Variants in SLC38A2 observed in about 807,000 individuals in gnomAD.
SLC38A2 encodes solute carrier family 38 member 2.
A neutral mutation model predicts 61.5 loss-of-function variants in SLC38A2; 11 were observed. The ratio of observed to expected loss-of-function variants is 0.18; its 90% CI spans 0.11 to 0.30. The LOEUF (loss-of-function observed/expected upper bound fraction) is 0.30, where lower values mean the gene tolerates loss of function less well. SLC38A2 is among the 10% of genes least tolerant of loss of function. The pLI is 1.00. For missense variants in SLC38A2, 522 were observed against 600.4 expected (o/e 0.87, Z 1.36); for synonymous variants, 217 against 212.5 (o/e 1.02, Z -0.18).
rs1464532773 is a variant in SLC38A2 at position 46,365,124 on chromosome 12, G to A, written c.629C>T (p.Ser210Leu). ...TTGCTCACCTAAATTTCTAAACAGC[G>A]ACAAAGGAAGAATGACCACCAATGA... ...LVSLVVILPL[S>L]LFRNLGYLGY... is the part of the protein sequence containing the mutation. The change falls in exon 8 of 16, where the codon TCG (serine) becomes TTG (leucine). Residue 210 changes from serine to leucine, a missense_variant. Transcript: ENST00000256689. 5 of 1,613,082 alleles carry A rather than the reference G, an allele frequency of 3.1e-6. No homozygotes were observed. Among genetic ancestry groups the A allele is most frequent in the Admixed American group, 1.7e-5 (1 of 59,902 alleles).
At position 46,362,212 on chromosome 12, in the gene SLC38A2, G is replaced by A. The variant is rs1943088955; in HGVS notation, c.1422+72C>T. The A allele has an allele frequency of 3.3e-6, 4 of 1,216,818 alleles. No individual in the cohort carries two copies. In the South Asian group the frequency reaches 6.2e-5, roughly 19 times the overall value. 75.4% of individuals were successfully genotyped at this position (1,216,818 alleles called of 1,614,324 possible). ...AAACCATAACAAATAACAGCTATGA[G>A]AATAAAATTAAAATCAGTTGGGGAA... On this transcript the variant is annotated intron_variant, in intron 15 of 15. Coordinates refer to ENST00000256689, the MANE Select transcript of SLC38A2 (RefSeq NM_018976.5).
rs1221335236 is a variant in SLC38A2 at position 46,364,444 on chromosome 12, T to C, written c.818A>G (p.His273Arg). The C allele has an allele frequency of 1.9e-6, 3 of 1,609,078 alleles. No individual in the cohort carries two copies. Among genetic ancestry groups the C allele is most frequent in the Admixed American group, 3.4e-5 (2 of 58,788 alleles). Residue 273 changes from histidine to arginine, a missense_variant, in exon 10 of 16, where the codon CAT becomes CGT. Transcript: ENST00000256689. ...QPTALVPALS[H>R]NVTENDSCRP... is the part of the protein sequence containing the mutation. ...GCAAGAGTCATTTTCAGTCACGTTA[T>C]GTGACAAAGCAGGTACAAGAGCTGT... is the stretch of plus-strand genomic sequence containing the variant.
chr12:46,372,007 G>T (rs1219462416), intron 1 of SLC38A2, among the ~76,000 whole-genome samples: 1 of 152,134 alleles, frequency 6.6e-6, no homozygotes, highest in Non-Finnish European at 1.5e-5. Flanking sequence ...CAGCTGGCCC[G>T]CGAGTGCTAC....
chr12:46,361,325 A>G, intron 15 of SLC38A2, 116 bp from the exon 16 acceptor site: 2 of 824,646 alleles, frequency 2.4e-6, no homozygotes, highest in Non-Finnish European at 3.9e-6. Flanking sequence ...TATAATCTAT[A>G]GAAAGAATAT....
Position 46,362,298 on chromosome 12 carries a change from C to T in SLC38A2, c.1408G>A (p.Val470Ile). Residue 470 changes from valine to isoleucine, a missense_variant, in exon 15 of 16, where the codon GTA becomes ATA. Physicochemically the swap from Val to Ile is conservative, Grantham distance 29. Transcript: ENST00000256689. ...KLVKKEPMKS[V>I]QKIGALFFLL... ...CTTTCACTCACCCCAATCTTTTGTA[C>T]AGATTTCATAGGTTCTTTCTTCACC... The T allele has an allele frequency of 6.2e-7, 1 of 1,608,784 alleles. No homozygotes were observed. Among genetic ancestry groups the T allele is most frequent in the Non-Finnish European group, 8.5e-7 (1 of 1,177,652 alleles).
Position 46,362,534 on chromosome 12 carries a change from G to A in SLC38A2, c.1284C>T (p.Val428=), listed in dbSNP as rs1565827030. ...TATCCCTAATAGTTGGGACAAAGAT[G>A]ACAAGTAAATTGGTAAATGCCAAGA... ...VSILAFTNLL[V]IFVPTIRDIF... is the part of the protein sequence containing the mutation. Residue 428 remains valine, a synonymous_variant, in exon 14 of 16, where the codon GTC becomes GTT. Transcript: ENST00000256689. 1.9e-6 allele frequency: 3 copies of A among 1,599,360 alleles called. No individual in the cohort carries two copies. Among genetic ancestry groups the A allele is most frequent in the Non-Finnish European group, 8.5e-7 (1 of 1,176,418 alleles).
At chr12:46,363,258 A>T in intron 12 of SLC38A2, 113 bp from the exon 13 acceptor site, 1 of 1,187,372 alleles carries the variant, frequency 8.4e-7, no homozygotes, top group Non-Finnish European at 1.2e-6. Context: ...ACGACTATAA[A>T]CTAAGAGGCT....
chr12:46,367,513 T>G (rs1943151451), intron 4 of SLC38A2, 173 bp from the exon 5 acceptor site: 1 of 606,180 alleles, frequency 1.6e-6, no homozygotes, highest in Non-Finnish European at 3.0e-6. Flanking sequence ...CACTGTCTCT[T>G]GGCTGGCAGT....
At chr12:46,365,325 C>A in intron 7 of SLC38A2, 136 bp from the exon 8 acceptor site, 1 of 740,094 alleles carries the variant, frequency 1.4e-6, no homozygotes, top group Non-Finnish European at 2.3e-6. Context: ...AAAAGTTTCC[C>A]CTGTTCAAGA....
At chr12:46,363,293 T>C in intron 12 of SLC38A2, 148 bp from the exon 13 acceptor site, 1 of 1,011,240 alleles carries the variant, frequency 9.9e-7, no homozygotes, top group Non-Finnish European at 1.4e-6. Context: ...GGAATTATAG[T>C]TAATGCAATT....
chr12:46,367,463 G>C (rs1231072229), intron 4 of SLC38A2, 123 bp from the exon 5 acceptor site: 1 of 665,880 alleles, frequency 1.5e-6, no homozygotes. Context: ...AAAATGCCCT[G>C]AAGAACTGGC....
Position 46,366,896 on chromosome 12 carries a change from G to A in SLC38A2, c.531C>T (p.Ile177=). 2.5e-6 allele frequency: 4 copies of A among 1,613,720 alleles called. No homozygotes were observed. Among genetic ancestry groups the A allele is most frequent in the Non-Finnish European group, 3.4e-6 (4 of 1,179,926 alleles). ...TATCTTCAATGTTCGTTAATGCCTG[G>A]ATCACCAAAGGCAACTCATATTTCA... The part of the protein sequence containing the change: ...FIVKYELPLV[I]QALTNIEDKT... The change falls in exon 7 of 16, where the codon ATC becomes ATT. Residue 177 remains isoleucine, a synonymous_variant. Transcript: ENST00000256689.
At chr12:46,371,155 A>G (rs938673512) in intron 2 of SLC38A2, 23 bp downstream of exon 2, 3 of 1,609,994 alleles carry the variant, frequency 1.9e-6, no homozygotes, top group South Asian at 1.1e-5. Context: ...CCGTTTTTTC[A>G]AAAGTGTCAC....
In SLC38A2 at chr12:46,364,711, A is replaced by G. The variant is rs2307061; in HGVS notation, c.647-9T>C. The G allele has an allele frequency of 0.63, 1,015,242 of 1,600,404 alleles. 327,381 individuals carry two copies. The highest frequency in any genetic ancestry group is 0.91 in the African/African-American group (67,699 of 74,238). On this transcript the variant is annotated splice_polypyrimidine_tract_variant and intron_variant, in intron 8 of 15. Coordinates refer to ENST00000256689, the MANE Select transcript of SLC38A2 (RefSeq NM_018976.5). ...GGTATATCCCAAATATCCTATAAGG[A>G]GGGGTGGCAGGAATCAGTATTAGTT...
chr12:46,364,026 A>G (rs772785999), intron 10 of SLC38A2, 23 bp from the exon 11 acceptor site: 9 of 1,578,880 alleles, frequency 5.7e-6, no homozygotes, highest in Non-Finnish European at 7.7e-6. Context: ...GTAAAAATCT[A>G]CTTAATCTGA....
At chr12:46,362,677 A>T (rs767275340) in intron 13 of SLC38A2, 39 bp from the exon 14 acceptor site, 1 of 1,537,168 alleles carries the variant, frequency 6.5e-7, no homozygotes, top group Non-Finnish European at 8.7e-7. Flanking sequence ...TAAAAATAGC[A>T]GCAATATAAA....
chr12:46,362,245 ATAT>A (rs1592202277), intron 15 of SLC38A2, 36 bp downstream of exon 15: 2 of 1,447,072 alleles, frequency 1.4e-6, no homozygotes, highest in African/African-American at 1.4e-5. Context: ...GAAATTTATG[ATAT>A]TATTACTGTT....
rs768128221 is a variant in SLC38A2 at position 46,363,840 on chromosome 12, G to A, written c.954-14C>T. ...CTACGGCTGCGGCTATGTAATTCAA[G>A]AGAAAATTCAAATATATATTTCAGC... is the stretch of plus-strand genomic sequence containing the variant. On this transcript the variant is annotated splice_polypyrimidine_tract_variant and intron_variant, in intron 11 of 15. Transcript: ENST00000256689. 1.3e-6 allele frequency: 2 copies of A among 1,585,704 alleles called. No homozygotes were observed. Among genetic ancestry groups the A allele is most frequent in the East Asian group, 2.2e-5 (1 of 44,484 alleles).
rs769552925 is a variant in SLC38A2 at position 46,363,734 on chromosome 12, G to A, written c.1046C>T (p.Thr349Ile). The A allele has an allele frequency of 6.4e-7, 1 of 1,565,060 alleles. No homozygotes were observed. Among genetic ancestry groups the A allele is most frequent in the Admixed American group, 2.2e-5 (1 of 45,894 alleles). ...YLLAALFGYL[T>I]FYEHVESELL... ...AAGGAGGCGTTACTTACCGTAAAAT[G>A]TTAGGTATCCAAAGAGGGCGGCAAG... The change falls in exon 12 of 16, where the codon ACA (threonine) becomes ATA (isoleucine). Residue 349 changes from threonine (T) to isoleucine (I), a missense_variant. This residue lies in a region of SLC38A2 where 309 missense variants were observed against 343.9 expected (regional missense o/e 0.90). Transcript: ENST00000256689.
Sources: gnomAD v4.1 joint callset for allele counts (sites outside exome capture counted in the v4.1 genomes callset) on GRCh38, gnomAD v4.1.1 for gene constraint, gnomAD v4.1.1 regional missense constraint, MANE v1.5 for transcripts, NCBI Gene and HGNC (gene_info 2026-07-23, HGNC 2026-07-21) for gene names.